DEPDC4: variants seen among roughly 807,000 people sequenced by gnomAD.
DEPDC4 encodes the protein DEP domain-containing protein 4.
Under a neutral mutation model 52.0 loss-of-function variants are expected in DEPDC4, and 52 were observed. The observed-to-expected ratio is 1.00, with a 90% CI of 0.80 to 1.26. DEPDC4 has a LOEUF of 1.26. DEPDC4 is among the 50% of genes most tolerant of loss of function. DEPDC4 has a pLI of 0.00. For missense variants in DEPDC4, 530 were observed against 546.9 expected, an observed-to-expected ratio of 0.97 and a Z score of 0.31; for synonymous variants, 201 against 196.8, an observed-to-expected ratio of 1.02 and a Z score of -0.18.
At chr12:100,251,459 C>T (rs1438671696) in intron 7 of DEPDC4, among the ~76,000 whole-genome samples, 1 of 152,140 alleles carries the variant, frequency 6.6e-6, no homozygotes, top group Non-Finnish European at 1.5e-5. Flanking sequence ...CTCACTCTGT[C>T]ACCCAGGCTG....
chr12:100,273,174 T>A, the DEPDC4 span, among the ~76,000 whole-genome samples: 7 of 152,284 alleles, frequency 4.6e-5, no homozygotes, highest in Admixed American at 4.6e-4. Context: ...CTCAATGTCC[T>A]TGGTGATCTG....
Position 100,241,432 on chromosome 12 carries a change from T to C in DEPDC4, c.*460A>G, listed in dbSNP as rs1227313352. On this transcript the variant is annotated 3_prime_UTR_variant, in exon 10 of 10. Coordinates refer to ENST00000550587, the MANE Select transcript of DEPDC4 (RefSeq NM_001364818.2). ...TAAAATAATGGCCAAGTACAGTGAC[T>C]CATGCCTATAATCCCAGCACTTTAA... Among the ~76,000 whole-genome samples, 1 of 152,144 alleles carries C rather than the reference T, an allele frequency of 6.6e-6. No individual in the cohort carries two copies. Among genetic ancestry groups the C allele is most frequent in the Non-Finnish European group, 1.5e-5 (1 of 68,036 alleles).
chr12:100,274,867 T>G, the DEPDC4 span, among the ~76,000 whole-genome samples: 2 of 152,172 alleles, frequency 1.3e-5, no homozygotes, highest in African/African-American at 4.8e-5. Context: ...TTTTGACAAT[T>G]TAGTAAAGCC....
chr12:100,241,553 TA>T lies in DEPDC4; in HGVS notation c.*338del. 1.5e-6 allele frequency: 1 copy of T among 673,870 alleles called. No individual in the cohort carries two copies. The highest frequency in any genetic ancestry group is 2.0e-6 in the Non-Finnish European group (1 of 512,606). The allele number at this position is 673,870 out of a possible 1,614,324, so 41.7% of individuals were successfully genotyped here. A position where few individuals can be genotyped will look rare whatever the true frequency, so the allele number is the denominator to read the frequency against. Reference sequence around the variant, plus strand: ...GTCTCTACAAAATAAAAATAAAAAATAAAACACTTAAAATCCTTTGAGATTA... The same window carrying T: ...GTCTCTACAAAATAAAAATAAAAAATAAACACTTAAAATCCTTTGAGATTA... On this transcript the variant is annotated 3_prime_UTR_variant, in exon 10 of 10. Transcript: ENST00000550587.
intron 7 of DEPDC4, 113 bp from the exon 8 acceptor site, chr12:100,249,091 T>C: frequency 3.8e-6 from 1 of 265,360 alleles, no homozygotes; most frequent in Non-Finnish European, 5.8e-6. Flanking sequence ...AGGGAGAGGA[T>C]TGTAGATGAG....
the DEPDC4 span, among the ~76,000 whole-genome samples, chr12:100,274,148 G>C: frequency 3.9e-5 from 6 of 152,168 alleles, no homozygotes; most frequent in African/African-American, 1.4e-4. Flanking sequence ...ATCTTTAATA[G>C]AAGAAAGTGG....
rs777263425 is a variant in DEPDC4 at position 100,263,697 on chromosome 12, A to G, written c.354T>C (p.Leu118=). 1.9e-6 allele frequency: 3 copies of G among 1,614,150 alleles called. No individual in the cohort carries two copies. In the South Asian group the frequency reaches 3.3e-5, roughly 18 times the overall value. Residue 118 remains leucine (L), a synonymous_variant, in exon 2 of 10, where the codon CTT becomes CTC. Coordinates refer to ENST00000550587, the MANE Select transcript of DEPDC4 (RefSeq NM_001364818.2). ...TCLSSNDISC[L]KGVHLCQVLM... is the part of the protein sequence containing the mutation. ...GAACTTGGCAAAGATGAACCCCTTTAAGACAAGAGATGTCATTGCTACTTA... is the reference window on the plus strand; with the variant it reads ...GAACTTGGCAAAGATGAACCCCTTTGAGACAAGAGATGTCATTGCTACTTA...
the DEPDC4 span, among the ~76,000 whole-genome samples, chr12:100,279,383 C>A: frequency 1.3e-5 from 2 of 152,234 alleles, no homozygotes; most frequent in African/African-American, 4.8e-5. Context: ...GCTCTGCAGC[C>A]CGGTTCCTAA....
chr12:100,255,864 C>A, intron 4 of DEPDC4, 185 bp downstream of exon 4: 1 of 417,104 alleles, frequency 2.4e-6, no homozygotes. Context: ...ACTCTGATTT[C>A]CAGTGATCTT....
the DEPDC4 span, among the ~76,000 whole-genome samples, chr12:100,272,151 T>G: frequency 2.0e-5 from 3 of 152,122 alleles, no homozygotes; most frequent in Non-Finnish European, 4.4e-5. Flanking sequence ...TGGCTGAAAT[T>G]TAGGAAGGGC....
At position 100,248,982 on chromosome 12, in the gene DEPDC4, C is replaced by T; in HGVS notation, c.1375-4G>A. 1.0e-6 allele frequency: 1 copy of T among 975,562 alleles called. No individual in the cohort carries two copies. The highest frequency in any genetic ancestry group is 1.2e-6 in the Non-Finnish European group (1 of 820,690). 60.4% of individuals were successfully genotyped at this position (975,562 alleles called of 1,614,324 possible). On this transcript the variant is annotated splice_region_variant and splice_polypyrimidine_tract_variant and intron_variant, in intron 7 of 9. Coordinates refer to ENST00000550587, the MANE Select transcript of DEPDC4 (RefSeq NM_001364818.2). Reference sequence around the variant, plus strand: ...GATCCAATAAAGTAACTGGTGTCTACACAAAACAGGTATTTTCAAAATATT... The same window carrying T: ...GATCCAATAAAGTAACTGGTGTCTATACAAAACAGGTATTTTCAAAATATT...
At chr12:100,267,924 G>A (rs1221084783), upstream of DEPDC4, 1 of 152,248 alleles carries the variant, frequency 6.6e-6, no homozygotes, top group African/African-American at 2.4e-5. Context: ...GTGTGAGGTG[G>A]GTGGGGCAGG....
the DEPDC4 span, among the ~76,000 whole-genome samples, chr12:100,279,386 G>A: frequency 6.6e-6 from 1 of 152,336 alleles, no homozygotes; most frequent in East Asian, 1.9e-4. Flanking sequence ...CTGCAGCCCG[G>A]TTCCTAATAG....
the DEPDC4 span, among the ~76,000 whole-genome samples, chr12:100,274,195 A>G: frequency 6.6e-6 from 1 of 152,254 alleles, no homozygotes; most frequent in Non-Finnish European, 1.5e-5. Flanking sequence ...TTAATAGAGA[A>G]AACAGGATAC....
the DEPDC4 span, among the ~76,000 whole-genome samples, chr12:100,273,984 C>G: frequency 6.6e-6 from 1 of 152,194 alleles, no homozygotes; most frequent in Non-Finnish European, 1.5e-5. Context: ...ACCTTCCCGT[C>G]AAAATCAACA....
intron 1 of DEPDC4, among the ~76,000 whole-genome samples, chr12:100,266,052 C>T (rs900872337): frequency 6.6e-5 from 10 of 151,400 alleles, no homozygotes; most frequent in Non-Finnish European, 7.4e-5. Context: ...TCTTCCGTAC[C>T]CCAGTAAAAT....
At chr12:100,245,113 G>A (rs777669725) in intron 8 of DEPDC4, among the ~76,000 whole-genome samples, 4 of 150,548 alleles carry the variant, frequency 2.7e-5, no homozygotes, top group Admixed American at 6.6e-5. Context: ...CTTGTGATCC[G>A]CCTGCCTTGG....
chr12:100,247,210 T>G (rs2096189381), intron 8 of DEPDC4, among the ~76,000 whole-genome samples: 1 of 133,962 alleles, frequency 7.5e-6, no homozygotes, highest in East Asian at 2.1e-4. Flanking sequence ...TGTTTTTTTT[T>G]TTTTTTTTTT....
At chr12:100,244,134 T>TACACAC (rs1555310358) in intron 8 of DEPDC4, among the ~76,000 whole-genome samples, 1 of 121,794 alleles carries the variant, frequency 8.2e-6, no homozygotes, top group Non-Finnish European at 1.7e-5. Context: ...TATATATATA[T>TACACAC]ACACAAAATA....
Sources: allele counts gnomAD v4.1 joint callset (sites outside exome capture counted in the v4.1 genomes callset), GRCh38; gene constraint gnomAD v4.1.1; transcripts MANE v1.5; gene names NCBI Gene and HGNC (gene_info 2026-07-23, HGNC 2026-07-21).